SLC9C1: variants seen among roughly 807,000 people sequenced by gnomAD.
SLC9C1 encodes the protein sodium/hydrogen exchanger 10.
SLC9C1 carries 97 observed loss-of-function variants against 140.9 expected under a neutral mutation model. That is an observed-to-expected ratio of 0.69 (90% confidence interval 0.58 to 0.82). The LOEUF is 0.82. Ranked by LOEUF, SLC9C1 falls within the 40% of genes least tolerant of loss-of-function variation. The pLI is 0.00. For synonymous variants in SLC9C1, 440 were observed against 442.6 expected, an observed-to-expected ratio of 0.99 and a Z score of 0.07; for missense variants, 1,340 against 1,389.3, an observed-to-expected ratio of 0.96 and a Z score of 0.56.
At chr3:112,247,872 A>AGTGTGTGTGT (rs56782439) in intron 10 of SLC9C1, among the ~76,000 whole-genome samples, 5 of 149,832 alleles carry the variant, frequency 3.3e-5, no homozygotes, top group African/African-American at 4.9e-5. Flanking sequence ...TTTACTCTTG[A>AGTGTGTGTGT]GTGTGTGTGT....
At position 112,182,192 on chromosome 3, in the gene SLC9C1, C is replaced by T. The variant is rs1459388205; in HGVS notation, c.2590G>A (p.Glu864Lys). 1.9e-6 allele frequency: 3 copies of T among 1,607,186 alleles called. No individual in the cohort carries two copies. The highest frequency in any genetic ancestry group is 1.1e-5 in the South Asian group (1 of 89,206). ...AGCCACGGAATATGATATAGAACTT[C>T]TTCAACAGTAAGAGGCCTGATAATA... is the stretch of plus-strand genomic sequence containing the variant. ...QSIIRPLTVEEVLYHIPWLDK... is the reference protein window; with the variant it reads ...QSIIRPLTVEKVLYHIPWLDK... The change falls in exon 21 of 29, where the codon GAA becomes AAA. Residue 864 changes from glutamate to lysine, a missense_variant. Glu to Lys is a moderately conservative substitution (Grantham distance 56, BLOSUM62 1). Transcript: ENST00000305815.
At chr3:112,160,274 TC>T (rs1297703146) in intron 26 of SLC9C1, among the ~76,000 whole-genome samples, 1 of 151,628 alleles carries the variant, frequency 6.6e-6, no homozygotes, top group Non-Finnish European at 1.5e-5. Context: ...AAGTTTTTTT[TC>T]TTTTATTATT....
intron 26 of SLC9C1, among the ~76,000 whole-genome samples, 159 bp from the exon 27 acceptor site, chr3:112,155,208 T>TA (rs1393562746): frequency 6.6e-6 from 1 of 152,148 alleles, no homozygotes; most frequent in East Asian, 1.9e-4. Flanking sequence ...GGGTCACATT[T>TA]AAAAAAGTGA....
intron 8 of SLC9C1, 47 bp downstream of exon 8, chr3:112,266,191 A>T (rs749150315): frequency 1.5e-6 from 2 of 1,303,398 alleles, no homozygotes. Context: ...TTATAATATT[A>T]TAGCTTCCAG....
chr3:112,145,499 A>G (rs7630368), intron 28 of SLC9C1, among the ~76,000 whole-genome samples: 151,806 of 151,982 alleles, frequency 1, 75,816 homozygotes, highest in Non-Finnish European at 1. Context: ...GTTCCTTCTC[A>G]TTGATTTTTT....
chr3:112,207,524 T>A (rs2078087806), intron 16 of SLC9C1, among the ~76,000 whole-genome samples: 1 of 152,130 alleles, frequency 6.6e-6, no homozygotes, highest in Non-Finnish European at 1.5e-5. Flanking sequence ...ATTTTCCACA[T>A]CCTGAAAACA....
At chr3:112,202,169 A>G (rs1424657861) in intron 18 of SLC9C1, 81 bp downstream of exon 18, 6 of 1,476,556 alleles carry the variant, frequency 4.1e-6, no homozygotes, top group Non-Finnish European at 4.6e-6. Flanking sequence ...AGACATCTGC[A>G]TATATGAACA....
At position 112,141,202 on chromosome 3, in the gene SLC9C1, A is replaced by G; in HGVS notation, c.*70T>C. 1 of 1,439,994 alleles carries G rather than the reference A, an allele frequency of 6.9e-7. No homozygotes were observed. Among genetic ancestry groups the G allele is most frequent in the Non-Finnish European group, 9.3e-7 (1 of 1,077,702 alleles). The allele number at this position is 1,439,994 out of a possible 1,614,324, so 89.2% of individuals were successfully genotyped here. A position where few individuals can be genotyped will look rare whatever the true frequency, so the allele number is the denominator to read the frequency against. On this transcript the variant is annotated 3_prime_UTR_variant, in exon 29 of 29. Transcript: ENST00000305815. ...AAGTTACTCCTTCTTGATGTAGGGA[A>G]GTGTGTTTCTGCAGCAGGAGGCCTC...
chr3:112,231,357 G>A lies in SLC9C1; in HGVS notation c.1572+4C>T. On this transcript the variant is annotated splice_donor_region_variant and intron_variant, in intron 13 of 28. Transcript: ENST00000305815. ...CATAATTTCAAAAGAGAATAATACA[G>A]TACTATTTGTGCTGACAAGAGACGC... 1.2e-6 allele frequency: 2 copies of A among 1,612,778 alleles called. No individual in the cohort carries two copies. Among genetic ancestry groups the A allele is most frequent in the Non-Finnish European group, 1.7e-6 (2 of 1,179,424 alleles).
intron 20 of SLC9C1, among the ~76,000 whole-genome samples, chr3:112,198,036 TAC>T (rs2077810782): frequency 6.6e-6 from 1 of 152,094 alleles, no homozygotes; most frequent in Non-Finnish European, 1.5e-5. Flanking sequence ...CAGAATTTAG[TAC>T]TACTAGTAGG....
At chr3:112,234,854 G>C (rs935891481) in intron 12 of SLC9C1, among the ~76,000 whole-genome samples, 1 of 152,158 alleles carries the variant, frequency 6.6e-6, no homozygotes, top group African/African-American at 2.4e-5. Context: ...TTTGGTACAA[G>C]TACCATGCTG....
At chr3:112,202,834 A>G (rs934955170) in intron 17 of SLC9C1, among the ~76,000 whole-genome samples, 1 of 151,844 alleles carries the variant, frequency 6.6e-6, no homozygotes, top group Admixed American at 6.6e-5. Flanking sequence ...TGCCTGTTAG[A>G]CCCCAAAATT....
At chr3:112,165,074 G>A (rs1391517160) in intron 26 of SLC9C1, among the ~76,000 whole-genome samples, 2 of 152,156 alleles carry the variant, frequency 1.3e-5, no homozygotes, top group Non-Finnish European at 2.9e-5. Context: ...CGGCTACTGA[G>A]GCTTGTGCGT....
Position 112,202,250 on chromosome 3 carries a change from C to T in SLC9C1, c.2322G>A (p.Gln774=), listed in dbSNP as rs2077923909. ...DQITSSKQIK[Q]MLLKQVIRNM... Reference sequence around the variant, plus strand: ...TTCTTAGGATTTAAGGTTTTCTTACCTGTTTAATCTGTTTAGAACTTGTAA... The same window carrying T: ...TTCTTAGGATTTAAGGTTTTCTTACTTGTTTAATCTGTTTAGAACTTGTAA... The change falls in exon 18 of 29, where the codon CAG becomes CAA. Residue 774 remains glutamine (Q), a splice_region_variant and synonymous_variant. Coordinates refer to ENST00000305815, the MANE Select transcript of SLC9C1 (RefSeq NM_183061.3). The T allele has an allele frequency of 6.2e-7, 1 of 1,608,188 alleles. No homozygotes were observed. Among genetic ancestry groups the T allele is most frequent in the Non-Finnish European group, 8.5e-7 (1 of 1,178,052 alleles).
intron 20 of SLC9C1, among the ~76,000 whole-genome samples, chr3:112,194,211 T>C (rs2077723970): frequency 6.6e-6 from 1 of 152,110 alleles, no homozygotes; most frequent in Non-Finnish European, 1.5e-5. Flanking sequence ...GATACTTCTG[T>C]AGGGAGGACT....
chr3:112,255,790 G>A (rs1005701761), intron 10 of SLC9C1, among the ~76,000 whole-genome samples: 6 of 151,952 alleles, frequency 3.9e-5, no homozygotes, highest in Admixed American at 2.0e-4. Context: ...CAATGGATGC[G>A]GTGGTTCTTT....
intron 6 of SLC9C1, among the ~76,000 whole-genome samples, 153 bp downstream of exon 6, chr3:112,274,744 T>C (rs11712289): frequency 0.29 from 43,773 of 152,060 alleles, 6,449 homozygotes; most frequent in East Asian, 0.36. Context: ...AAGTAATGTG[T>C]AATAGTGCTT....
intron 21 of SLC9C1, 83 bp from the exon 22 acceptor site, chr3:112,180,745 T>A: frequency 2.5e-6 from 3 of 1,208,042 alleles, no homozygotes; most frequent in Non-Finnish European, 3.5e-6. Flanking sequence ...TTTTGTTATT[T>A]ATTTTTTTGA....
intron 28 of SLC9C1, among the ~76,000 whole-genome samples, chr3:112,150,789 TA>T (rs2074937032): frequency 3.6e-5 from 1 of 27,570 alleles, no homozygotes; most frequent in Non-Finnish European, 9.2e-5. Flanking sequence ...TATAAATACA[TA>T]TACATATATA....
Sources: allele counts gnomAD v4.1 joint callset (sites outside exome capture counted in the v4.1 genomes callset), GRCh38; gene constraint gnomAD v4.1.1; transcripts MANE v1.5; gene names NCBI Gene and HGNC (gene_info 2026-07-23, HGNC 2026-07-21).